The following AGAP2 variants were observed in gnomAD, a reference collection of about 807,000 sequenced individuals.
AGAP2 encodes arf-GAP with GTPase, ANK repeat and PH domain-containing protein 2.
Under a neutral mutation model 110.9 loss-of-function variants are expected in AGAP2, and 32 were observed. The observed-to-expected ratio is 0.29, with a 90% CI of 0.22 to 0.39. AGAP2 has a LOEUF of 0.39. AGAP2 is among the 10% of genes least tolerant of loss of function. AGAP2 has a pLI of 1.00. For missense variants in AGAP2, 1,285 were observed against 1,638.5 expected (o/e 0.78, Z 3.72); for synonymous variants, 702 against 713.0 (o/e 0.98, Z 0.25).
chr12:57,734,502 C>G (rs1290955893), intron 3 of AGAP2, 90 bp downstream of exon 3: 1 of 1,586,370 alleles, frequency 6.3e-7, no homozygotes, highest in East Asian at 2.2e-5. Context: ...CTCATCCTTC[C>G]CCCCTGGTCT....
chr12:57,732,428 G>A lies in AGAP2; in HGVS notation c.1769C>T (p.Ala590Val). 1 of 1,606,310 alleles carries A rather than the reference G, an allele frequency of 6.2e-7. No homozygotes were observed. ...CTGGCCAGCTACCGGAGTGGATGCA[G>A]CTGAGTGGCTTGGGGAGCTGGGCAG... ...KSLPSSPSHS[A>V]ASTPVAGQAS... is the part of the protein sequence containing the mutation. The change falls in exon 7 of 19, where the codon GCT becomes GTT. Residue 590 changes from alanine to valine, a missense_variant. By Grantham distance (64) the Ala-to-Val change is moderately conservative. Coordinates refer to ENST00000547588, the MANE Select transcript of AGAP2 (RefSeq NM_001122772.3).
chr12:57,728,137 T>C (rs768884553), intron 14 of AGAP2, 52 bp from the exon 15 acceptor site: 4 of 1,555,806 alleles, frequency 2.6e-6, no homozygotes, highest in Middle Eastern at 1.7e-4. Context: ...AAGCAGGGGC[T>C]GCCTTTCCCA....
rs747644674 is a variant in AGAP2, at chr12:57,727,144, G to A, written c.3166C>T (p.Arg1056Cys). ...PLSTSEEPLG[R>C]QLWAAVQAQD... ...GCCTGCACGGCGGCCCACAGCTGGC[G>A]GCCCAGCGGCTCCTCCGAGGTGCTC... Residue 1056 changes from arginine (R) to cysteine (C), a missense_variant, in exon 18 of 19, where the codon CGC becomes TGC. Coordinates refer to ENST00000547588, the MANE Select transcript of AGAP2 (RefSeq NM_001122772.3). The A allele has an allele frequency of 1.9e-6, 3 of 1,603,966 alleles. No homozygotes were observed. Among genetic ancestry groups the A allele is most frequent in the Non-Finnish European group, 2.5e-6 (3 of 1,176,524 alleles).
At chr12:57,732,777 T>C in intron 6 of AGAP2, 68 bp downstream of exon 6, 1 of 1,599,232 alleles carries the variant, frequency 6.3e-7, no homozygotes, top group East Asian at 2.2e-5. Context: ...CCTGGATGCC[T>C]GACCACTGAG....
In AGAP2 at chr12:57,727,241, G is replaced by A. The variant is rs758100031; in HGVS notation, c.3081-12C>T. 4 of 1,612,552 alleles carry A rather than the reference G, an allele frequency of 2.5e-6. No homozygotes were observed. The highest frequency in any genetic ancestry group is 3.4e-6 in the Non-Finnish European group (4 of 1,179,844). ...ACTCGCGCTCCTCCCTGCAAGACCA[G>A]GGATCAACGGAAAAGGCTCTAGGGA... On this transcript the variant is annotated splice_polypyrimidine_tract_variant and intron_variant, in intron 17 of 18. Transcript: ENST00000547588.
intron 1 of AGAP2, 25 bp from the exon 2 acceptor site, chr12:57,735,452 A>T: frequency 1.9e-6 from 3 of 1,610,936 alleles, no homozygotes; most frequent in Non-Finnish European, 2.5e-6. Context: ...GGGCAGTAAG[A>T]GGGGAGGCTC....
Position 57,737,877 on chromosome 12 carries a change from A to T in AGAP2, c.370T>A (p.Ser124Thr). Residue 124 changes from serine to threonine, a missense_variant, in exon 1 of 19, where the codon TCC becomes ACC. Ser to Thr is a moderately conservative substitution (Grantham distance 58). This residue lies in a region of AGAP2 where 844 missense variants were observed against 941.2 expected (regional missense o/e 0.90). Transcript: ENST00000547588. This position sits in a 1 kb window ranked among gnomAD's most constrained non-coding sequence, Gnocchi z 5.9. ...LWAVPPGPPL[S>T]GGLSPDPKPG... Reference sequence around the variant, plus strand: ...TTGGGGTCGGGGCTCAGTCCCCCGGAGAGCGGGGGTCCCGGAGGGACGGCC... The same window carrying T: ...TTGGGGTCGGGGCTCAGTCCCCCGGTGAGCGGGGGTCCCGGAGGGACGGCC... 7.0e-7 allele frequency: 1 copy of T among 1,428,292 alleles called. No homozygotes were observed. The highest frequency in any genetic ancestry group is 2.8e-5 in the East Asian group (1 of 36,264). 88.5% of individuals were successfully genotyped at this position (1,428,292 alleles called of 1,614,324 possible).
rs17852479 is a variant in AGAP2, at chr12:57,732,451, C to A, written c.1746G>T (p.Leu582=). ...CAGCTGAGTGGCTTGGGGAGCTGGGCAGGGACTTGCAGGCAGCCAGAAGCT... is the reference window on the plus strand; with the variant it reads ...CAGCTGAGTGGCTTGGGGAGCTGGGAAGGGACTTGCAGGCAGCCAGAAGCT... The part of the protein sequence containing the change: ...QQQLLAACKS[L]PSSPSHSAAS... The change falls in exon 7 of 19, where the codon CTG becomes CTT. Residue 582 remains leucine (L), a synonymous_variant. Coordinates refer to ENST00000547588, the MANE Select transcript of AGAP2 (RefSeq NM_001122772.3). The A allele has an allele frequency of 0.39, 615,847 of 1,595,124 alleles. 128,016 individuals are homozygous for A. The highest frequency in any genetic ancestry group is 0.51 in the Middle Eastern group (3,051 of 6,038).
intron 2 of AGAP2, 74 bp from the exon 3 acceptor site, chr12:57,734,753 A>C: frequency 3.6e-6 from 5 of 1,388,614 alleles, no homozygotes; most frequent in Non-Finnish European, 5.1e-6. Context: ...GACACTCCAG[A>C]AAACCCAGAG....
At position 57,734,301 on chromosome 12, in the gene AGAP2, C is replaced by T. The variant is rs752883376; in HGVS notation, c.1401+18G>A. 4 of 1,614,030 alleles carry T rather than the reference C, an allele frequency of 2.5e-6. No individual in the cohort carries two copies. Among genetic ancestry groups the T allele is most frequent in the African/African-American group, 2.7e-5 (2 of 74,954 alleles). On this transcript the variant is annotated intron_variant, in intron 4 of 18. Coordinates refer to ENST00000547588, the MANE Select transcript of AGAP2 (RefSeq NM_001122772.3). ...TGCTGACCCCAGCCAGCCTGTCCCC[C>T]ACCACCTCCACCCTCACCTTGGCAT...
At chr12:57,730,375 G>A (rs772571724) in intron 12 of AGAP2, 120 bp downstream of exon 12, 2 of 1,316,442 alleles carry the variant, frequency 1.5e-6, no homozygotes, top group Non-Finnish European at 2.1e-6. Context: ...TTCATGTGTG[G>A]GGCTCCATGT....
In AGAP2 at chr12:57,726,547, G is replaced by A; in HGVS notation, c.*5C>T. The A allele has an allele frequency of 8.2e-7, 1 of 1,214,364 alleles. No homozygotes were observed. The highest frequency in any genetic ancestry group is 3.9e-5 in the South Asian group (1 of 25,516). The allele number at this position is 1,214,364 out of a possible 1,614,324, so 75.2% of individuals were successfully genotyped here. The stretch of plus-strand genomic sequence containing the variant: ...GGGGATGGGGGTGTCTCTCCCGCTG[G>A]GCAACTATACCAGCGCAACCGGGGC... On this transcript the variant is annotated 3_prime_UTR_variant, in exon 19 of 19. Coordinates refer to ENST00000547588, the MANE Select transcript of AGAP2 (RefSeq NM_001122772.3). This position sits in a 1 kb window ranked among gnomAD's most constrained non-coding sequence, Gnocchi z 5.7.
rs772119308 is a variant in AGAP2, at chr12:57,732,900, G to A, written c.1629C>T (p.Ser543=). Residue 543 remains serine, a synonymous_variant, in exon 6 of 19, where the codon AGC becomes AGT. Coordinates refer to ENST00000547588, the MANE Select transcript of AGAP2 (RefSeq NM_001122772.3). ...CATAGGTTGCACAAGTCTCATAGTA[G>A]CTGCAGCGTTTCATGTCCGCGCACA... The part of the protein sequence containing the change: ...RALCADMKRC[S]YYETCATYGL... 1.2e-6 allele frequency: 2 copies of A among 1,614,094 alleles called. No homozygotes were observed. The highest frequency in any genetic ancestry group is 1.7e-6 in the Non-Finnish European group (2 of 1,180,042).
chr12:57,737,580 C>A lies in AGAP2; in HGVS notation c.667G>T (p.Gly223Trp). The A allele has an allele frequency of 6.5e-7, 1 of 1,548,800 alleles. No individual in the cohort carries two copies. The highest frequency in any genetic ancestry group is 8.7e-7 in the Non-Finnish European group (1 of 1,147,032). ...PESEGKPRVKGSKSSAGTGAS... is the reference protein window; with the variant it reads ...PESEGKPRVKWSKSSAGTGAS... The stretch of plus-strand genomic sequence containing the variant: ...CCAGTCCCGGCGCTGCTCTTTGACC[C>A]CTTGACCCTGGGCTTGCCCTCGCTT... Residue 223 changes from glycine (G) to tryptophan (W), a missense_variant, in exon 1 of 19, where the codon GGG (glycine) becomes TGG (tryptophan). Gly to Trp is a radical substitution (Grantham distance 184, BLOSUM62 -2). Transcript: ENST00000547588. The surrounding 1 kb of genome is among the most constrained non-coding windows in gnomAD (Gnocchi z 5.9).
chr12:57,738,267 C>T lies in AGAP2; in HGVS notation c.-21G>A, dbSNP rs1955029929. ...CTCATGGGGCCCGGAGACCCCCGAG[C>T]TGGGGAGGGGAGGGGACTCCCCCGG... On this transcript the variant is annotated 5_prime_UTR_variant, in exon 1 of 19. Coordinates refer to ENST00000547588, the MANE Select transcript of AGAP2 (RefSeq NM_001122772.3). This position sits in a 1 kb window ranked among gnomAD's most constrained non-coding sequence, Gnocchi z 6.7. 1 of 1,496,580 alleles carries T rather than the reference C, an allele frequency of 6.7e-7. No individual in the cohort carries two copies. Among genetic ancestry groups the T allele is most frequent in the Non-Finnish European group, 8.9e-7 (1 of 1,127,990 alleles). The allele number at this position is 1,496,580 out of a possible 1,614,324, so 92.7% of individuals were successfully genotyped here. A position where few individuals can be genotyped will look rare whatever the true frequency, so the allele number is the denominator to read the frequency against.
At chr12:57,732,772 A>T in intron 6 of AGAP2, 73 bp downstream of exon 6, 1 of 1,592,706 alleles carries the variant, frequency 6.3e-7, no homozygotes, top group East Asian at 2.2e-5. Context: ...AGAGGCCTGG[A>T]TGCCTGACCA....
intron 13 of AGAP2, 113 bp from the exon 14 acceptor site, chr12:57,728,490 GAC>G: frequency 9.0e-7 from 1 of 1,108,088 alleles, no homozygotes; most frequent in Non-Finnish European, 1.3e-6. Flanking sequence ...GAGAGATAGT[GAC>G]AGAGTGCCAG....
chr12:57,732,753 C>G, intron 6 of AGAP2, 92 bp downstream of exon 6: 2 of 1,572,136 alleles, frequency 1.3e-6, no homozygotes, highest in South Asian at 2.3e-5. Context: ...TTTCCTGTCA[C>G]TCACAGAGAG....
intron 12 of AGAP2, 77 bp from the exon 13 acceptor site, chr12:57,729,844 C>G (rs1954851189): frequency 6.6e-7 from 1 of 1,525,134 alleles, no homozygotes; most frequent in Admixed American, 2.2e-5. Flanking sequence ...GTCTCATTCC[C>G]TGAACTAGCT....
Sources: gnomAD v4.1 joint callset for allele counts on GRCh38, gnomAD v4.1.1 for gene constraint, gnomAD v4.1.1 regional missense constraint, Gnocchi (gnomAD v3.1) non-coding constraint, MANE v1.5 for transcripts, NCBI Gene and HGNC (gene_info 2026-07-23, HGNC 2026-07-21) for gene names.